UNC13A: variants seen among roughly 807,000 people sequenced by gnomAD.
UNC13A encodes the protein protein unc-13 homolog A.
Under a neutral mutation model 219.7 loss-of-function variants are expected in UNC13A, and 61 were observed. The ratio of observed to expected loss-of-function variants is 0.28; its 90% CI spans 0.23 to 0.34. The LOEUF (loss-of-function observed/expected upper bound fraction) is 0.34. Ranked by LOEUF, UNC13A falls within the 10% of genes least tolerant of loss-of-function variation. The pLI, the probability that UNC13A is intolerant of heterozygous loss-of-function variation, is 1.00. For missense variants in UNC13A, 1,476 were observed against 2,270.3 expected, an observed-to-expected ratio of 0.65 and a Z score of 7.11; for synonymous variants, 920 against 884.6, an observed-to-expected ratio of 1.04 and a Z score of -0.71.
chr19:17,610,322 T>C (rs2076588664), intron 42 of UNC13A, among the ~76,000 whole-genome samples: 1 of 151,862 alleles, frequency 6.6e-6, no homozygotes, highest in Non-Finnish European at 1.5e-5. Flanking sequence ...AAAAATCAGC[T>C]GGGCGTGGTG....
intron 20 of UNC13A, among the ~76,000 whole-genome samples, chr19:17,642,430 C>G (rs12973192): frequency 0.31 from 47,020 of 152,100 alleles, 7,584 homozygotes; most frequent in South Asian, 0.37. Flanking sequence ...CTCCATCCAT[C>G]CTTTTATCTA....
intron 34 of UNC13A, among the ~76,000 whole-genome samples, chr19:17,625,165 G>A (rs189261722): frequency 3.9e-4 from 60 of 152,306 alleles, no homozygotes; most frequent in Non-Finnish European, 7.3e-4. Flanking sequence ...CAGATGGGAA[G>A]GGGCCCCAAT....
At chr19:17,646,469 C>T (rs944177206) in intron 17 of UNC13A, among the ~76,000 whole-genome samples, 3 of 151,938 alleles carry the variant, frequency 2.0e-5, no homozygotes, top group Non-Finnish European at 4.4e-5. Context: ...TTGGCCAGGT[C>T]GGTCTCGAAT....
chr19:17,625,078 C>G, intron 34 of UNC13A, 126 bp from the exon 35 acceptor site: 4 of 1,422,738 alleles, frequency 2.8e-6, no homozygotes, highest in African/African-American at 1.4e-5. Context: ...ACAGGGACCC[C>G]TGGGTGGTTT....
At chr19:17,669,158 G>A (rs1167548679) in intron 5 of UNC13A, among the ~76,000 whole-genome samples, 1 of 152,070 alleles carries the variant, frequency 6.6e-6, no homozygotes, top group East Asian at 1.9e-4. Context: ...AAGGAAGAGG[G>A]GACTATCTGT....
Position 17,655,894 on chromosome 19 carries a change from C to T in UNC13A, c.1272G>A (p.Lys424=). 2.0e-6 allele frequency: 3 copies of T among 1,522,100 alleles called. No homozygotes were observed. Among genetic ancestry groups the T allele is most frequent in the Middle Eastern group, 1.8e-4 (1 of 5,596 alleles). 94.3% of individuals were successfully genotyped at this position (1,522,100 alleles called of 1,614,324 possible). The change falls in exon 10 of 44, where the codon AAG becomes AAA. Residue 424 remains lysine (K), a synonymous_variant. Coordinates refer to ENST00000519716, the MANE Select transcript of UNC13A (RefSeq NM_001080421.3). ...AEQIPEAEPP[K]DEESFRPRED... is the part of the protein sequence containing the mutation. ...CCCCGTCCTGTTACCTCTCCTCGTC[C>T]TTGGGTGGCTCAGCCTCAGGGATCT... is the stretch of plus-strand genomic sequence containing the variant.
At chr19:17,606,698 T>C (rs1013410436) in intron 43 of UNC13A, among the ~76,000 whole-genome samples, 10 of 151,732 alleles carry the variant, frequency 6.6e-5, no homozygotes, top group African/African-American at 2.4e-4. Context: ...CTGTGCCCTC[T>C]GCCGGCTGAA....
intron 1 of UNC13A, chr19:17,676,246 G>T (rs2145917992): frequency 2.9e-6 from 2 of 692,270 alleles, no homozygotes; most frequent in East Asian, 2.8e-5. Flanking sequence ...ACAAGGGGAG[G>T]AGGAGAGGTA....
chr19:17,631,146 T>G (rs2076842526), intron 28 of UNC13A, among the ~76,000 whole-genome samples: 1 of 91,740 alleles, frequency 1.1e-5, no homozygotes, highest in Non-Finnish European at 2.2e-5. Flanking sequence ...TTCTCTGAGC[T>G]CTTGTTTTCT....
intron 6 of UNC13A, among the ~76,000 whole-genome samples, chr19:17,666,993 CCTGT>C (rs1311532019): frequency 6.6e-6 from 1 of 152,106 alleles, no homozygotes; most frequent in East Asian, 1.9e-4. Flanking sequence ...GTGACTCACA[CCTGT>C]AATCCCAGCA....
chr19:17,630,597 AC>A, intron 29 of UNC13A, 56 bp downstream of exon 29: 1 of 1,580,868 alleles, frequency 6.3e-7, no homozygotes, highest in Non-Finnish European at 8.7e-7. Flanking sequence ...GCAAATTTCC[AC>A]CTAAATTGAC....
At chr19:17,624,369 T>C (rs1313346509) in intron 35 of UNC13A, among the ~76,000 whole-genome samples, 3 of 152,068 alleles carry the variant, frequency 2.0e-5, no homozygotes, top group Admixed American at 6.5e-5. Flanking sequence ...TCTGCCCGCC[T>C]CGAGCCTCCC....
Position 17,618,521 on chromosome 19 carries a change from G to A in UNC13A, c.4330-20C>T. On this transcript the variant is annotated intron_variant, in intron 39 of 43. Coordinates refer to ENST00000519716, the MANE Select transcript of UNC13A (RefSeq NM_001080421.3). ...GTGATCCTGGATGGATGGGGAGAGG[G>A]GCCATGTGGGTGGAGTGGGCTCCAC... is the stretch of plus-strand genomic sequence containing the variant. The A allele has an allele frequency of 6.4e-7, 1 of 1,574,162 alleles. No homozygotes were observed. Among genetic ancestry groups the A allele is most frequent in the South Asian group, 1.2e-5 (1 of 86,252 alleles).
At chr19:17,619,547 C>T (rs554519793) in intron 38 of UNC13A, among the ~76,000 whole-genome samples, 49 of 151,920 alleles carry the variant, frequency 3.2e-4, no homozygotes, top group Admixed American at 1.8e-3. Flanking sequence ...GCAATCCTCC[C>T]GCCTCCCCAG....
chr19:17,662,525 C>T (rs768088764), intron 8 of UNC13A, among the ~76,000 whole-genome samples: 3 of 152,076 alleles, frequency 2.0e-5, no homozygotes, highest in Non-Finnish European at 2.9e-5. Context: ...CTTGAATCAT[C>T]CAGAAACCAT....
At chr19:17,660,867 AGTTG>A (rs2079539192) in intron 8 of UNC13A, among the ~76,000 whole-genome samples, 3 of 151,842 alleles carry the variant, frequency 2.0e-5, no homozygotes, top group Non-Finnish European at 4.4e-5. Context: ...GTTTGTGGCA[AGTTG>A]GTTGTTATCG....
chr19:17,667,342 C>T (rs1461604361), intron 6 of UNC13A, among the ~76,000 whole-genome samples: 2 of 152,096 alleles, frequency 1.3e-5, no homozygotes, highest in African/African-American at 2.4e-5. Flanking sequence ...AAAAACTACC[C>T]GTTAGGTACT....
chr19:17,650,305 G>T (rs1009929123), intron 12 of UNC13A, among the ~76,000 whole-genome samples: 1 of 151,954 alleles, frequency 6.6e-6, no homozygotes, highest in Non-Finnish European at 1.5e-5. Context: ...CCTGAGGTTA[G>T]GAGTTCGAGA....
At chr19:17,616,416 G>C (rs754377887) in intron 41 of UNC13A, 22 of 691,266 alleles carry the variant, frequency 3.2e-5, no homozygotes, top group Admixed American at 8.1e-5. Context: ...ACCCTTCTCA[G>C]GATAAATGTC....
Sources: gnomAD v4.1 joint callset for allele counts (sites outside exome capture counted in the v4.1 genomes callset) on GRCh38, gnomAD v4.1.1 for gene constraint, MANE v1.5 for transcripts, NCBI Gene and HGNC (gene_info 2026-07-23, HGNC 2026-07-21) for gene names.